ADGRL2: variants seen among roughly 807,000 people sequenced by gnomAD.
ADGRL2 encodes the protein adhesion G protein-coupled receptor L2.
Under a neutral mutation model 157.4 loss-of-function variants are expected in ADGRL2, and 44 were observed. The ratio of observed to expected loss-of-function variants is 0.28; its 90% CI spans 0.22 to 0.36. The LOEUF (loss-of-function observed/expected upper bound fraction) is 0.36, where lower values mean the gene tolerates loss of function less well. Among genes scored for constraint, ADGRL2 ranks in the 10% least tolerant of loss-of-function variants. The probability of loss-of-function intolerance (pLI) is 1.00; values close to 1 mark genes in which losing one functional copy is unlikely to be tolerated. For synonymous variants in ADGRL2, 585 were observed against 624.7 expected, an observed-to-expected ratio of 0.94 and a Z score of 0.95; for missense variants, 1,510 against 1,768.9, an observed-to-expected ratio of 0.85 and a Z score of 2.63.
rs569818793 is a variant in ADGRL2, at chr1:81,991,738, A to G, written c.*593A>G. On this transcript the variant is annotated 3_prime_UTR_variant, in exon 24 of 24. Coordinates refer to ENST00000686636, the MANE Select transcript of ADGRL2 (RefSeq NM_001366006.2). ...TGTTTCCTCAACTGTACAATGAACTATTCTCATGAAAAATGGCTAAAGAAA... is the reference window on the plus strand; with the variant it reads ...TGTTTCCTCAACTGTACAATGAACTGTTCTCATGAAAAATGGCTAAAGAAA... 5.9e-5 allele frequency: 9 copies of G among 152,752 alleles called. No homozygotes were observed. The highest frequency in any genetic ancestry group is 1.9e-4 in the African/African-American group (8 of 41,582). The allele number at this position is 152,752 out of a possible 1,614,324, so 9.5% of individuals were successfully genotyped here. A position where few individuals can be genotyped will look rare whatever the true frequency, so the allele number is the denominator to read the frequency against.
intron 2 of ADGRL2, among the ~76,000 whole-genome samples, chr1:81,850,268 T>C (rs144432055): frequency 6.6e-6 from 1 of 152,064 alleles, no homozygotes; most frequent in African/African-American, 2.4e-5. Flanking sequence ...GCAGCAACTC[T>C]GTTCTATGTC....
Position 81,722,292 on chromosome 1 carries a change from A to T in ADGRL2, c.-143+22484A>T, listed in dbSNP as rs550100699. The stretch of plus-strand genomic sequence containing the variant: ...TGGGCGACAGAGCGAGACTCCGTCT[A>T]AAAAAAAAAGAAAATGCAGAGATAA... On this transcript the variant is annotated intron_variant, in intron 1 of 20. Transcript: ENST00000359929. The T allele has an allele frequency of 7.3e-4, 271 of 369,554 alleles. 2 individuals are homozygous for T. The highest frequency in any genetic ancestry group is 5.6e-3 in the Middle Eastern group (6 of 1,078). 22.9% of individuals were successfully genotyped at this position (369,554 alleles called of 1,614,324 possible).
chr1:81,577,024 C>A (rs1252120067), intron 2 of ADGRL2, among the ~76,000 whole-genome samples: 2 of 152,136 alleles, frequency 1.3e-5, no homozygotes, highest in East Asian at 3.9e-4. Flanking sequence ...CTTTCAGAAG[C>A]TCCTGAGAAT....
At chr1:81,725,168 G>A (rs550193593) in intron 1 of ADGRL2, among the ~76,000 whole-genome samples, 2 of 137,464 alleles carry the variant, frequency 1.5e-5, no homozygotes, top group East Asian at 2.2e-4. Flanking sequence ...CTGTGCCACT[G>A]CACTCTAGTC....
intron 1 of ADGRL2, among the ~76,000 whole-genome samples, chr1:81,729,804 A>G (rs2084659740): frequency 6.6e-6 from 1 of 152,224 alleles, no homozygotes; most frequent in South Asian, 2.1e-4. Flanking sequence ...AGCCATCTCC[A>G]TCATTAATAT....
rs192765413 is a variant in ADGRL2 at position 81,724,493 on chromosome 1, G to A, written c.-143+24685G>A. Among the ~76,000 whole-genome samples, 5 of 152,174 alleles carry A rather than the reference G, an allele frequency of 3.3e-5. No homozygotes were observed. The East Asian group carries it at 7.7e-4, about 24-fold the overall frequency. On this transcript the variant is annotated intron_variant, in intron 1 of 20. Transcript: ENST00000359929. The stretch of plus-strand genomic sequence containing the variant: ...GAAAGACCCATTGTCTTTGTATTCA[G>A]CTCTTCCTTAAATAGTGTAATCCTA...
At chr1:81,797,387 C>T (rs151296131), upstream of ADGRL2, among the ~76,000 whole-genome samples, 1,319 of 152,120 alleles carry the variant, frequency 8.7e-3, 10 homozygotes, top group Middle Eastern at 0.02. Flanking sequence ...TAGATACAAC[C>T]GTCCCTCCTT....
intron 10 of ADGRL2, among the ~76,000 whole-genome samples, chr1:81,953,656 G>A (rs1652554579): frequency 6.6e-6 from 1 of 152,072 alleles, no homozygotes; most frequent in Non-Finnish European, 1.5e-5. Flanking sequence ...TTTCTCCCTG[G>A]TATATCCAAG....
intron 2 of ADGRL2, among the ~76,000 whole-genome samples, chr1:81,840,621 C>T (rs2092536184): frequency 2.0e-5 from 3 of 152,008 alleles, no homozygotes; most frequent in African/African-American, 7.3e-5. Context: ...TGAATCAAGT[C>T]TTACCCATTA....
chr1:81,400,089 A>G (rs951889228), intron 1 of ADGRL2, among the ~76,000 whole-genome samples: 1 of 152,086 alleles, frequency 6.6e-6, no homozygotes, highest in Non-Finnish European at 1.5e-5. Flanking sequence ...TAGGCTATAG[A>G]AGTCTGTGGC....
At chr1:81,634,055 A>G (rs540058985) in intron 3 of ADGRL2, among the ~76,000 whole-genome samples, 1 of 152,290 alleles carries the variant, frequency 6.6e-6, no homozygotes, top group Admixed American at 6.5e-5. Flanking sequence ...GCCCTGGAGC[A>G]CTCCAAGAAA....
chr1:81,669,503 T>G (rs1311266359), intron 3 of ADGRL2, among the ~76,000 whole-genome samples: 1 of 152,186 alleles, frequency 6.6e-6, no homozygotes, highest in Non-Finnish European at 1.5e-5. Context: ...TGTGTTTCAG[T>G]CACATAATTA....
intron 1 of ADGRL2, among the ~76,000 whole-genome samples, chr1:81,736,970 G>T (rs940776218): frequency 6.6e-6 from 1 of 152,072 alleles, no homozygotes; most frequent in South Asian, 2.1e-4. Flanking sequence ...GAGTAGCTGG[G>T]ACTACGGGTG....
intron 1 of ADGRL2, among the ~76,000 whole-genome samples, chr1:81,310,915 G>C (rs1318360932): frequency 2.6e-5 from 4 of 151,264 alleles, no homozygotes; most frequent in Non-Finnish European, 4.4e-5. Flanking sequence ...AGTCTGTGTT[G>C]ATAGAAACAT....
At chr1:81,385,604 A>T (rs1207327133) in intron 1 of ADGRL2, among the ~76,000 whole-genome samples, 1 of 152,102 alleles carries the variant, frequency 6.6e-6, no homozygotes, top group Non-Finnish European at 1.5e-5. Context: ...TGGCAAAAAA[A>T]AAAAATCCTA....
chr1:81,972,925 A>AC (rs11163402), intron 17 of ADGRL2, among the ~76,000 whole-genome samples: 47,877 of 150,048 alleles, frequency 0.32, 7,751 homozygotes, highest in Admixed American at 0.33. Flanking sequence ...AAAAAAAAAA[A>AC]AACTTGCTCA....
At chr1:81,390,706 C>A (rs1056537757) in intron 1 of ADGRL2, among the ~76,000 whole-genome samples, 2 of 152,304 alleles carry the variant, frequency 1.3e-5, no homozygotes, top group Admixed American at 6.5e-5. Context: ...GATCTTCTCT[C>A]TTAATATACC....
At chr1:81,700,515 G>A (rs149942498) in intron 1 of ADGRL2, among the ~76,000 whole-genome samples, 41 of 152,194 alleles carry the variant, frequency 2.7e-4, no homozygotes, top group South Asian at 2.7e-3. Flanking sequence ...GACCAAAACC[G>A]TCACAACTAA....
At chr1:81,639,589 T>G in intron 3 of ADGRL2, among the ~76,000 whole-genome samples, 1 of 139,584 alleles carries the variant, frequency 7.2e-6, no homozygotes. Flanking sequence ...GACACTAACA[T>G]TAATCAAAAG....
Sources: gnomAD v4.1 joint callset for allele counts (sites outside exome capture counted in the v4.1 genomes callset) on GRCh38, gnomAD v4.1.1 for gene constraint, MANE v1.5 for transcripts, NCBI Gene and HGNC (gene_info 2026-07-23, HGNC 2026-07-21) for gene names.